Variants in NLGN1 observed in about 807,000 individuals in gnomAD.
NLGN1 encodes neuroligin 1, also known as neuroligin-1.
NLGN1 carries 12 observed loss-of-function variants against 65.5 expected under a neutral mutation model. The observed-to-expected ratio is 0.18, with a 90% CI of 0.12 to 0.30. NLGN1 has a LOEUF of 0.30. NLGN1 is among the 10% of genes least tolerant of loss of function. NLGN1 has a pLI of 1.00. For synonymous variants in NLGN1, 350 were observed against 359.5 expected (o/e 0.97, Z 0.30); for missense variants, 750 against 1,007.1 (o/e 0.74, Z 3.46).
intron 4 of NLGN1, among the ~76,000 whole-genome samples, chr3:174,155,800 T>C (rs1278232011): frequency 6.6e-6 from 1 of 151,962 alleles, no homozygotes; most frequent in Non-Finnish European, 1.5e-5. Flanking sequence ...AACGTTATTT[T>C]TTTGTAATTT....
At chr3:173,571,902 A>G (rs1744712075) in intron 2 of NLGN1, among the ~76,000 whole-genome samples, 1 of 152,218 alleles carries the variant, frequency 6.6e-6, no homozygotes, top group Admixed American at 6.5e-5. Flanking sequence ...CAATGTGAAC[A>G]GGGTAAAAAA....
intron 2 of NLGN1, among the ~76,000 whole-genome samples, chr3:173,599,833 C>T (rs899989734): frequency 2.0e-5 from 3 of 152,084 alleles, no homozygotes; most frequent in Non-Finnish European, 4.4e-5. Context: ...TACCATCATT[C>T]CACAGACATG....
chr3:174,283,646 G>A (rs1264989919), exon 7 of NLGN1: 1 of 151,344 alleles, frequency 6.6e-6, no homozygotes, highest in Non-Finnish European at 1.5e-5. Context: ...AGGAATTTAT[G>A]TGATTATAAT....
chr3:174,083,248 A>G (rs73880334), intron 4 of NLGN1, among the ~76,000 whole-genome samples: 2,573 of 151,922 alleles, frequency 0.017, 71 homozygotes, highest in African/African-American at 0.059. Context: ...TTAGATGGTG[A>G]TTCCCCTTAG....
chr3:173,420,096 T>C (rs1185327895), intron 1 of NLGN1, among the ~76,000 whole-genome samples: 2 of 151,884 alleles, frequency 1.3e-5, no homozygotes, highest in African/African-American at 4.8e-5. Flanking sequence ...ATTATTATAC[T>C]TTAAGTTTTA....
At chr3:173,804,364 T>G (rs1297727915) in intron 3 of NLGN1, among the ~76,000 whole-genome samples, 1 of 152,144 alleles carries the variant, frequency 6.6e-6, no homozygotes, top group African/African-American at 2.4e-5. Flanking sequence ...TAAAAAATCT[T>G]AAGTGAAAAT....
At chr3:173,700,083 A>T (rs1017730062) in intron 3 of NLGN1, among the ~76,000 whole-genome samples, 26 of 152,234 alleles carry the variant, frequency 1.7e-4, no homozygotes, top group African/African-American at 6.0e-4. Flanking sequence ...ACTGGATAAG[A>T]TACGGGCAAT....
intron 4 of NLGN1, among the ~76,000 whole-genome samples, chr3:174,152,102 C>G (rs1561167336): frequency 6.6e-6 from 1 of 151,984 alleles, no homozygotes; most frequent in Non-Finnish European, 1.5e-5. Flanking sequence ...TATTTGTCTT[C>G]TTCTGAATTT....
Position 173,978,825 on chromosome 3 carries a change from T to C in NLGN1, c.646+170993T>C, listed in dbSNP as rs1343795710. Among the ~76,000 whole-genome samples, 5 of 137,546 alleles carry C rather than the reference T, an allele frequency of 3.6e-5. No individual in the cohort carries two copies. The East Asian group carries it at 1.1e-3, about 31-fold the overall frequency. 90.2% of individuals were successfully genotyped at this position (137,546 alleles called of 152,430 possible). The stretch of plus-strand genomic sequence containing the variant: ...AGCCTGGCTAACATGGTGAAACCCC[T>C]TCTCTAATTAAAAAAAAAAAAAAAA... On this transcript the variant is annotated intron_variant, in intron 4 of 6. Transcript: ENST00000457714.
rs181753895 is a variant in NLGN1 at position 173,450,674 on chromosome 3, T to C, written c.-321+15596T>C. ...CAGAATGTTTTCCAACTTGGTTCCA[T>C]TCTCCCCGTCACTTTCAGGTACAAC... On this transcript the variant is annotated intron_variant, in intron 2 of 6. Coordinates refer to ENST00000457714, the Ensembl canonical transcript of NLGN1. Among the ~76,000 whole-genome samples the C allele has an allele frequency of 1.4e-4, 22 of 152,348 alleles. 1 individual carries two copies. In the East Asian group the frequency reaches 3.9e-3, roughly 27 times the overall value.
intron 4 of NLGN1, among the ~76,000 whole-genome samples, chr3:173,995,299 C>T (rs1579643321): frequency 6.6e-6 from 1 of 152,304 alleles, no homozygotes; most frequent in East Asian, 1.9e-4. Context: ...CTCTGTCCAC[C>T]TGCCTCATTC....
At chr3:173,614,311 C>G (rs1379211956) in intron 3 of NLGN1, among the ~76,000 whole-genome samples, 1 of 152,000 alleles carries the variant, frequency 6.6e-6, no homozygotes, top group East Asian at 1.9e-4. Context: ...TATAGCTACT[C>G]TCAGTAAAGG....
chr3:174,170,449 A>T (rs1457104335), intron 4 of NLGN1, among the ~76,000 whole-genome samples: 5 of 152,208 alleles, frequency 3.3e-5, no homozygotes, highest in African/African-American at 1.2e-4. Flanking sequence ...TGGCTCCGTG[A>T]TGGATTATTG....
chr3:173,777,141 C>T (rs1356853640), intron 3 of NLGN1, among the ~76,000 whole-genome samples: 13 of 151,904 alleles, frequency 8.6e-5, no homozygotes, highest in African/African-American at 3.1e-4. Context: ...AGGATAATAA[C>T]AGTACCTACC....
At chr3:173,787,987 T>C (rs1711583891) in intron 3 of NLGN1, among the ~76,000 whole-genome samples, 1 of 152,108 alleles carries the variant, frequency 6.6e-6, no homozygotes, top group African/African-American at 2.4e-5. Context: ...AGTCAAATAA[T>C]TGAAAAATAT....
At chr3:173,749,443 T>G (rs1011133523) in intron 3 of NLGN1, among the ~76,000 whole-genome samples, 7 of 152,038 alleles carry the variant, frequency 4.6e-5, no homozygotes, top group African/African-American at 1.2e-4. Context: ...CTAAATATAA[T>G]AAGCATTTTT....
intron 2 of NLGN1, among the ~76,000 whole-genome samples, chr3:173,435,724 A>G (rs1398858440): frequency 2.0e-5 from 3 of 152,120 alleles, no homozygotes; most frequent in Non-Finnish European, 4.4e-5. Flanking sequence ...AGTCCCAGCT[A>G]CTAAGGAGGC....
intron 2 of NLGN1, among the ~76,000 whole-genome samples, chr3:173,559,707 A>G: frequency 6.6e-6 from 1 of 152,312 alleles, no homozygotes; most frequent in East Asian, 1.9e-4. Context: ...AGATATAACG[A>G]AAGAGAATTA....
At chr3:174,098,928 T>G (rs1490383205) in intron 4 of NLGN1, among the ~76,000 whole-genome samples, 1 of 152,202 alleles carries the variant, frequency 6.6e-6, no homozygotes, top group East Asian at 1.9e-4. Flanking sequence ...GTTTATACAT[T>G]TAATGAGATT....
Sources: gnomAD v4.1 joint callset for allele counts (sites outside exome capture counted in the v4.1 genomes callset) on GRCh38, gnomAD v4.1.1 for gene constraint, MANE v1.5 for transcripts, NCBI Gene and HGNC (gene_info 2026-07-23, HGNC 2026-07-21) for gene names.